Variants in POFUT2 observed in about 807,000 individuals in gnomAD.
POFUT2 encodes GDP-fucose protein O-fucosyltransferase 2.
A neutral mutation model predicts 55.0 loss-of-function variants in POFUT2; 30 were observed. The observed-to-expected ratio is 0.55, with a 90% CI of 0.41 to 0.74. POFUT2 has a LOEUF of 0.74. Among genes scored for constraint, POFUT2 ranks in the 30% least tolerant of loss-of-function variants. The pLI is 0.00. For synonymous variants in POFUT2, 267 were observed against 231.1 expected, an observed-to-expected ratio of 1.16 and a Z score of -1.41; for missense variants, 524 against 562.6, an observed-to-expected ratio of 0.93 and a Z score of 0.69.
intron 7 of POFUT2, among the ~76,000 whole-genome samples, chr21:45,268,644 G>A (rs1245608257): frequency 6.6e-6 from 1 of 151,694 alleles, no homozygotes; most frequent in African/African-American, 2.4e-5. Context: ...CGCCCCATCT[G>A]GGATGTGAGG....
intron 7 of POFUT2, among the ~76,000 whole-genome samples, chr21:45,269,168 G>T (rs1462175741): frequency 6.7e-6 from 1 of 148,298 alleles, no homozygotes; most frequent in Non-Finnish European, 1.5e-5. Context: ...GGAGGTGGGG[G>T]GGTCAGCCCC....
intron 6 of POFUT2, among the ~76,000 whole-genome samples, chr21:45,271,104 A>G (rs952233597): frequency 1.3e-5 from 2 of 152,210 alleles, no homozygotes; most frequent in Non-Finnish European, 2.9e-5. Flanking sequence ...ACTCAAGGAC[A>G]TACCAGACAA....
intron 1 of POFUT2, among the ~76,000 whole-genome samples, chr21:45,286,951 C>T (rs1264833463): frequency 6.6e-6 from 1 of 152,180 alleles, no homozygotes; most frequent in Non-Finnish European, 1.5e-5. Context: ...CCGGCACTGA[C>T]TCCCGGCTCC....
rs2093145820 is a variant in POFUT2, at chr21:45,265,556, T to A, written c.1216A>T (p.Thr406Ser). 1.2e-6 allele frequency: 2 copies of A among 1,614,146 alleles called. No individual in the cohort carries two copies. The highest frequency in any genetic ancestry group is 1.7e-6 in the Non-Finnish European group (2 of 1,179,998). The change falls in exon 9 of 9, where the codon ACG (threonine) becomes TCG (serine). Residue 406 changes from threonine to serine, a missense_variant. By Grantham distance (58) the Thr-to-Ser change is moderately conservative. Coordinates refer to ENST00000349485, the MANE Select transcript of POFUT2 (RefSeq NM_133635.6). This position sits in a 1 kb window ranked among gnomAD's most constrained non-coding sequence, Gnocchi z 4.6. ...TCTCCGCAGAACCTGTTGTACGTCGTCTTGGGGTCCAACCCCAGGATTTCT... is the reference window on the plus strand; with the variant it reads ...TCTCCGCAGAACCTGTTGTACGTCGACTTGGGGTCCAACCCCAGGATTTCT... ...EREILGLDPK[T>S]TYNRFCGDQE...
rs759590287 is a variant in POFUT2, at chr21:45,282,378, C to T, written c.609G>A (p.Ala203=). The T allele has an allele frequency of 1.3e-5, 21 of 1,613,024 alleles. No individual in the cohort carries two copies. The highest frequency in any genetic ancestry group is 1.6e-4 in the Middle Eastern group (1 of 6,084). Residue 203 remains alanine (A), a synonymous_variant, in exon 4 of 9, where the codon GCG becomes GCA. Transcript: ENST00000349485. The surrounding 1 kb of genome is among the most constrained non-coding windows in gnomAD (Gnocchi z 4.6). ...CTGATGTGTTTCTCAGCAGCAGGGGCGCCACGATGGAGGCTGAGCCCTGGA... is the reference window on the plus strand; with the variant it reads ...CTGATGTGTTTCTCAGCAGCAGGGGTGCCACGATGGAGGCTGAGCCCTGGA... ...LSVQGSASIV[A]PLLLRNTSAR... is the part of the protein sequence containing the mutation.
intron 1 of POFUT2, among the ~76,000 whole-genome samples, chr21:45,287,036 C>A (rs888860227): frequency 6.6e-6 from 1 of 152,098 alleles, no homozygotes; most frequent in Non-Finnish European, 1.5e-5. Context: ...AGCAACCCGG[C>A]CCCCTTCCTG....
At position 45,267,594 on chromosome 21, in the gene POFUT2, C is replaced by T. The variant is rs1267543174; in HGVS notation, c.1132G>A (p.Ala378Thr). 5.0e-6 allele frequency: 8 copies of T among 1,614,068 alleles called. No homozygotes were observed. Among genetic ancestry groups the T allele is most frequent in the Non-Finnish European group, 5.1e-6 (6 of 1,180,058 alleles). ...GACAGTGACGTGGGCAGGCACCTGG[C>T]GTGTGCGCAGATCCACTGGTCAATA... ...AIIDQWICAHARFFIGTSVST... is the reference protein window; with the variant it reads ...AIIDQWICAHTRFFIGTSVST... The change falls in exon 8 of 9, where the codon GCC becomes ACC. Residue 378 changes from alanine (A) to threonine (T), a missense_variant. Around this residue, in one of 2 missense-constraint regions of POFUT2, gnomAD observed 250 missense variants for 318.2 expected, o/e 0.79. Transcript: ENST00000349485. This position sits in a 1 kb window ranked among gnomAD's most constrained non-coding sequence, Gnocchi z 4.4.
At chr21:45,279,184 G>A (rs147753048) in intron 4 of POFUT2, among the ~76,000 whole-genome samples, 18,617 of 152,078 alleles carry the variant, frequency 0.12, 1,545 homozygotes, top group African/African-American at 0.24. Context: ...GAGGTCAGGA[G>A]ATCGAGACCA....
At chr21:45,287,032 C>A (rs1030606281) in intron 1 of POFUT2, among the ~76,000 whole-genome samples, 53 of 152,248 alleles carry the variant, frequency 3.5e-4, no homozygotes, top group African/African-American at 1.2e-3. Flanking sequence ...CCTGAGCAAC[C>A]CGGCCCCCTT....
At chr21:45,283,157 C>T (rs1438596139) in intron 3 of POFUT2, among the ~76,000 whole-genome samples, 1 of 150,390 alleles carries the variant, frequency 6.6e-6, no homozygotes, top group Non-Finnish European at 1.5e-5. Context: ...GCATCAGCAA[C>T]CAGCATGGGC....
At chr21:45,280,754 C>T (rs1330824687) in intron 4 of POFUT2, among the ~76,000 whole-genome samples, 2 of 150,914 alleles carry the variant, frequency 1.3e-5, no homozygotes, top group African/African-American at 4.9e-5. Context: ...GCCTGTCCCT[C>T]ACTCGCTGGG....
In POFUT2 at chr21:45,265,439, C is replaced by T. The variant is rs778469737; in HGVS notation, c.*43G>A. 8.4e-6 allele frequency: 13 copies of T among 1,551,842 alleles called. No homozygotes were observed. Among genetic ancestry groups the T allele is most frequent in the Non-Finnish European group, 1.1e-5 (13 of 1,141,464 alleles). On this transcript the variant is annotated 3_prime_UTR_variant, in exon 9 of 9. Coordinates refer to ENST00000349485, the MANE Select transcript of POFUT2 (RefSeq NM_133635.6). This position sits in a 1 kb window ranked among gnomAD's most constrained non-coding sequence, Gnocchi z 4.6. The stretch of plus-strand genomic sequence containing the variant: ...TCCACGGCGACAGAACCTGCATCCA[C>T]CCGCGCCTGTCGGGTCCGGGGAGCG...
Position 45,282,587 on chromosome 21 carries a change from TGATCGTGACTGCA to T in POFUT2, c.528-141_528-129del. 1.5e-6 allele frequency: 1 copy of T among 688,370 alleles called. No individual in the cohort carries two copies. The highest frequency in any genetic ancestry group is 1.6e-5 in the South Asian group (1 of 62,912). The allele number at this position is 688,370 out of a possible 1,614,324, so 42.6% of individuals were successfully genotyped here. On this transcript the variant is annotated intron_variant, in intron 3 of 8. Transcript: ENST00000349485. The surrounding 1 kb of genome is among the most constrained non-coding windows in gnomAD (Gnocchi z 4.6). The stretch of plus-strand genomic sequence containing the variant: ...ACGCGGCTGCTTTAGGAAAACTTAC[TGATCGTGACTGCA>T]GATCGTGACATTCTAGTAAAATTTT...
chr21:45,283,986 G>A (rs559973932), intron 2 of POFUT2, among the ~76,000 whole-genome samples: 23 of 152,256 alleles, frequency 1.5e-4, no homozygotes, highest in Admixed American at 4.6e-4. Context: ...TGCCTCCCCC[G>A]GGGACAGAGG....
At chr21:45,278,030 T>C in intron 5 of POFUT2, 73 bp downstream of exon 5, 1 of 1,196,478 alleles carries the variant, frequency 8.4e-7, no homozygotes, top group Non-Finnish European at 1.2e-6. Flanking sequence ...CTGTCGACTG[T>C]TTTAAATTTT....
At position 45,266,188 on chromosome 21, in the gene POFUT2, T is replaced by C. The variant is rs759917320; in HGVS notation, c.1137-553A>G. The C allele has an allele frequency of 6.6e-6, 9 of 1,367,552 alleles. No individual in the cohort carries two copies. In the African/African-American group the frequency reaches 7.4e-5, roughly 11 times the overall value. 84.7% of individuals were successfully genotyped at this position (1,367,552 alleles called of 1,614,324 possible). ...GCGGCCTGCCCGTTCCTCCGGCTCC[T>C]GCGCAGCTGGTCTCTGGCTCTCCAG... On this transcript the variant is annotated intron_variant, in intron 8 of 8. Transcript: ENST00000349485.
In POFUT2 at chr21:45,270,159, G is replaced by A. The variant is rs1281395480; in HGVS notation, c.832-140C>T. ...ACGGGGTGGCTCCAGGGCTGTCTAA[G>A]GGATTCAGGTGGAATCTCGGGGGCG... On this transcript the variant is annotated intron_variant, in intron 6 of 8. Coordinates refer to ENST00000349485, the MANE Select transcript of POFUT2 (RefSeq NM_133635.6). The surrounding 1 kb of genome is among the most constrained non-coding windows in gnomAD (Gnocchi z 4.6). 3 of 483,286 alleles carry A rather than the reference G, an allele frequency of 6.2e-6. No individual in the cohort carries two copies. The highest frequency in any genetic ancestry group is 3.4e-6 in the Non-Finnish European group (1 of 293,688). 29.9% of individuals were successfully genotyped at this position (483,286 alleles called of 1,614,324 possible).
intron 6 of POFUT2, among the ~76,000 whole-genome samples, chr21:45,276,782 C>G (rs1215055209): frequency 6.6e-6 from 1 of 152,168 alleles, no homozygotes. Flanking sequence ...GCCCGTGTTA[C>G]TAAAGGTAAA....
chr21:45,277,083 G>T lies in POFUT2; in HGVS notation c.765C>A (p.Ser255Arg), dbSNP rs746378234. ...CGTCGTCCGTGGAGTTGAGATGTCTGCTCCTGAACTCGTCTCCCACCTCCC... is the reference window on the plus strand; with the variant it reads ...CGTCGTCCGTGGAGTTGAGATGTCTTCTCCTGAACTCGTCTCCCACCTCCC... ...HLREVGDEFR[S>R]RHLNSTDDAD... Residue 255 changes from serine (S) to arginine (R), a missense_variant, in exon 6 of 9, where the codon AGC becomes AGA. Physicochemically the swap from Ser to Arg is moderately radical, Grantham distance 110 (BLOSUM62 -1). Coordinates refer to ENST00000349485, the MANE Select transcript of POFUT2 (RefSeq NM_133635.6). This position sits in a 1 kb window ranked among gnomAD's most constrained non-coding sequence, Gnocchi z 6.9. The T allele has an allele frequency of 9.3e-6, 15 of 1,613,972 alleles. No individual in the cohort carries two copies. The highest frequency in any genetic ancestry group is 9.3e-6 in the Non-Finnish European group (11 of 1,179,882).
Sources: gnomAD v4.1 joint callset for allele counts (sites outside exome capture counted in the v4.1 genomes callset) on GRCh38, gnomAD v4.1.1 for gene constraint, gnomAD v4.1.1 regional missense constraint, Gnocchi (gnomAD v3.1) non-coding constraint, MANE v1.5 for transcripts, NCBI Gene and HGNC (gene_info 2026-07-23, HGNC 2026-07-21) for gene names.